Variants in PALLD observed in about 807,000 individuals in gnomAD.
The protein encoded by PALLD is palladin.
Under a neutral mutation model 123.5 loss-of-function variants are expected in PALLD, and 61 were observed. That is an observed-to-expected ratio of 0.49 (90% CI 0.40 to 0.61). PALLD has a LOEUF of 0.61. Among genes scored for constraint, PALLD ranks in the 20% least tolerant of loss-of-function variants. The pLI is 0.00. For missense variants in PALLD, 1,273 were observed against 1,377.0 expected (o/e 0.92, Z 1.20); for synonymous variants, 465 against 496.4 (o/e 0.94, Z 0.84).
intron 2 of PALLD, among the ~76,000 whole-genome samples, chr4:168,658,739 A>G (rs1778849755): frequency 6.6e-6 from 1 of 151,896 alleles, no homozygotes; most frequent in African/African-American, 2.4e-5. Flanking sequence ...CTTCTATTTT[A>G]TCCTTTTTCC....
intron 2 of PALLD, among the ~76,000 whole-genome samples, chr4:168,569,191 G>C (rs1027919966): frequency 6.6e-6 from 1 of 152,032 alleles, no homozygotes; most frequent in Non-Finnish European, 1.5e-5. Context: ...ATCTGCAGAG[G>C]ACAGGTTCAG....
intron 10 of PALLD, among the ~76,000 whole-genome samples, chr4:168,778,602 A>C (rs1350039170): frequency 6.6e-6 from 1 of 152,214 alleles, no homozygotes; most frequent in Non-Finnish European, 1.5e-5. Context: ...ATAAATATTT[A>C]CATAACAAAC....
chr4:168,689,432 CTTTTTTTTTTTTTTTTTTT>C (rs70961551), intron 6 of PALLD, among the ~76,000 whole-genome samples: 4 of 49,856 alleles, frequency 8.0e-5, no homozygotes, highest in East Asian at 8.1e-4. Context: ...ATCCAATATT[CTTTTTTTTTTTTTTTTTTT>C]TTTTTTTTTT....
chr4:168,711,275 T>C, intron 9 of PALLD, among the ~76,000 whole-genome samples: 1 of 152,246 alleles, frequency 6.6e-6, no homozygotes, highest in South Asian at 2.1e-4. Context: ...TGATACTGTT[T>C]GTGTTGTCAC....
chr4:168,866,767 T>A (rs1015608595), intron 10 of PALLD, among the ~76,000 whole-genome samples: 1 of 152,242 alleles, frequency 6.6e-6, no homozygotes, highest in African/African-American at 2.4e-5. Context: ...GAAATGTTTT[T>A]AAGTCTAGCA....
At chr4:168,906,739 C>T (rs1345660169) in intron 15 of PALLD, among the ~76,000 whole-genome samples, 3 of 152,198 alleles carry the variant, frequency 2.0e-5, no homozygotes, top group Admixed American at 6.5e-5. Context: ...GTCCTCCCAT[C>T]TCAGCCTCCC....
At chr4:168,624,882 T>C (rs1003536611) in intron 2 of PALLD, among the ~76,000 whole-genome samples, 3 of 152,096 alleles carry the variant, frequency 2.0e-5, no homozygotes, top group African/African-American at 7.2e-5. Context: ...GAAAAATCTG[T>C]AAAACATTCC....
chr4:168,895,775 G>A (rs1199543929), intron 12 of PALLD, among the ~76,000 whole-genome samples: 1 of 152,162 alleles, frequency 6.6e-6, no homozygotes, highest in Admixed American at 6.5e-5. Context: ...AAGATCAACT[G>A]TTTAGTCTTA....
intron 10 of PALLD, among the ~76,000 whole-genome samples, chr4:168,854,111 G>C (rs1375320095): frequency 6.6e-6 from 1 of 152,154 alleles, no homozygotes; most frequent in East Asian, 1.9e-4. Flanking sequence ...AGAGTCTCCT[G>C]GTAAGTGTTC....
Position 168,818,465 on chromosome 4 carries a change from C to T in PALLD, c.1965-72457C>T, listed in dbSNP as rs117330635. On this transcript the variant is annotated intron_variant, in intron 10 of 21. Coordinates refer to ENST00000505667, the MANE Select transcript of PALLD (RefSeq NM_001166108.2). Reference sequence around the variant, plus strand: ...AATATTTCGAAAAAGCCAGACGTGGCGGTGCACACCTGTAGTCTTATCTGC... The same window carrying T: ...AATATTTCGAAAAAGCCAGACGTGGTGGTGCACACCTGTAGTCTTATCTGC... Among the ~76,000 whole-genome samples the T allele has an allele frequency of 6.1e-4, 93 of 152,180 alleles. No homozygotes were observed. In the East Asian group the frequency reaches 0.013, roughly 22 times the overall value.
intron 10 of PALLD, chr4:168,878,180 A>G: frequency 6.8e-7 from 1 of 1,479,764 alleles, no homozygotes. Context: ...CCCGGTCTTC[A>G]GCCCCACGGC....
chr4:168,637,285 TTC>T (rs1240152062), intron 2 of PALLD, among the ~76,000 whole-genome samples: 6 of 151,994 alleles, frequency 3.9e-5, no homozygotes, highest in Non-Finnish European at 5.9e-5. Context: ...CAGTCTTCCC[TTC>T]TCTCTCAGCA....
chr4:168,878,315 T>C lies in PALLD; in HGVS notation c.1965-12607T>C. 1 of 1,526,754 alleles carries C rather than the reference T, an allele frequency of 6.5e-7. No individual in the cohort carries two copies. Among genetic ancestry groups the C allele is most frequent in the South Asian group, 1.2e-5 (1 of 82,968 alleles). 94.6% of individuals were successfully genotyped at this position (1,526,754 alleles called of 1,614,324 possible). A position where few individuals can be genotyped will look rare whatever the true frequency, so the allele number is the denominator to read the frequency against. Reference sequence around the variant, plus strand: ...CGGCCACAGCCAGACGCCCGCGGCCTTCCTCAGCGCTCTGCTGCCCTCGCA... The same window carrying C: ...CGGCCACAGCCAGACGCCCGCGGCCCTCCTCAGCGCTCTGCTGCCCTCGCA... On this transcript the variant is annotated intron_variant, in intron 10 of 21. Transcript: ENST00000505667.
intron 10 of PALLD, among the ~76,000 whole-genome samples, chr4:168,816,817 CGTGTGTGTGTGTGT>C (rs61010592): frequency 0.13 from 13,976 of 110,976 alleles, 895 homozygotes; most frequent in South Asian, 0.17. Flanking sequence ...GAGCTAGCCC[CGTGTGTGTGTGTGT>C]GTGTGTGTGT....
intron 2 of PALLD, among the ~76,000 whole-genome samples, chr4:168,577,959 G>A (rs1769805058): frequency 6.6e-6 from 1 of 152,022 alleles, no homozygotes; most frequent in African/African-American, 2.4e-5. Flanking sequence ...GGGGAACGTT[G>A]TGAATCTCTC....
chr4:168,651,626 A>G (rs538401035), intron 2 of PALLD, among the ~76,000 whole-genome samples: 2 of 151,968 alleles, frequency 1.3e-5, no homozygotes, highest in Admixed American at 1.3e-4. Context: ...TGGCCAGAAA[A>G]CCTCTAATCC....
At chr4:168,622,568 T>G (rs1774867990) in intron 2 of PALLD, among the ~76,000 whole-genome samples, 1 of 152,244 alleles carries the variant, frequency 6.6e-6, no homozygotes, top group South Asian at 2.1e-4. Flanking sequence ...CGCGTATGTT[T>G]TCTTTAACAT....
At chr4:168,904,943 A>G (rs1010438819) in intron 15 of PALLD, among the ~76,000 whole-genome samples, 3 of 151,886 alleles carry the variant, frequency 2.0e-5, no homozygotes, top group African/African-American at 7.2e-5. Context: ...CCTGGCCAAC[A>G]TGGCGAAACC....
At chr4:168,608,977 C>A (rs1269683129) in intron 2 of PALLD, among the ~76,000 whole-genome samples, 1 of 151,972 alleles carries the variant, frequency 6.6e-6, no homozygotes, top group Non-Finnish European at 1.5e-5. Flanking sequence ...ACACACACAC[C>A]CCGCTTCCTT....
Sources: gnomAD v4.1 joint callset for allele counts (sites outside exome capture counted in the v4.1 genomes callset) on GRCh38, gnomAD v4.1.1 for gene constraint, MANE v1.5 for transcripts, NCBI Gene and HGNC (gene_info 2026-07-23, HGNC 2026-07-21) for gene names.